AKAP13: variants seen among roughly 807,000 people sequenced by gnomAD.
The protein encoded by AKAP13 is A-kinase anchoring protein 13.
A neutral mutation model predicts 264.5 loss-of-function variants in AKAP13; 80 were observed. The observed-to-expected ratio is 0.30, with a 90% CI of 0.25 to 0.36. The LOEUF (loss-of-function observed/expected upper bound fraction) is 0.36, where lower values mean the gene tolerates loss of function less well. Among genes scored for constraint, AKAP13 ranks in the 10% least tolerant of loss-of-function variants. The probability of loss-of-function intolerance (pLI) is 1.00; values close to 1 mark genes in which losing one functional copy is unlikely to be tolerated. For missense variants in AKAP13, 3,712 were observed against 3,435.2 expected (o/e 1.08, Z -2.01); for synonymous variants, 1,380 against 1,250.2 (o/e 1.10, Z -2.19).
intron 1 of AKAP13, among the ~76,000 whole-genome samples, chr15:85,476,381 A>G (rs2075164235): frequency 1.3e-5 from 2 of 152,190 alleles, no homozygotes; most frequent in Non-Finnish European, 1.5e-5. Context: ...ATCACCTTTT[A>G]TTTAGAATTA....
chr15:85,582,982 G>A, intron 7 of AKAP13: 3 of 985,426 alleles, frequency 3.0e-6, no homozygotes, highest in Non-Finnish European at 3.6e-6. Context: ...ATTGCTCCGT[G>A]GAAATAAACT....
At chr15:85,643,844 G>A (rs148726450) in intron 9 of AKAP13, among the ~76,000 whole-genome samples, 13 of 152,218 alleles carry the variant, frequency 8.5e-5, no homozygotes, top group East Asian at 3.9e-4. Flanking sequence ...TTTGACTGTC[G>A]TGACCCCATT....
chr15:85,635,323 G>C (rs767863732), intron 8 of AKAP13, among the ~76,000 whole-genome samples: 3 of 151,650 alleles, frequency 2.0e-5, no homozygotes, highest in Non-Finnish European at 4.4e-5. Context: ...AATGATGTTG[G>C]GTATCTTTTT....
At chr15:85,594,244 T>TC (rs2079708762) in intron 8 of AKAP13, among the ~76,000 whole-genome samples, 1 of 152,220 alleles carries the variant, frequency 6.6e-6, no homozygotes, top group Non-Finnish European at 1.5e-5. Flanking sequence ...AGTACTCAGT[T>TC]CAACAAATGT....
intron 2 of AKAP13, among the ~76,000 whole-genome samples, chr15:85,503,143 T>C (rs750548115): frequency 2.0e-5 from 3 of 152,178 alleles, no homozygotes; most frequent in Non-Finnish European, 4.4e-5. Context: ...ATGGCAACCT[T>C]AATTTGTGTA....
At position 85,646,272 on chromosome 15, in the gene AKAP13, C is replaced by T. The variant is rs144079958; in HGVS notation, c.4374+318C>T. 3.5e-4 allele frequency among the ~76,000 whole-genome samples: 53 copies of T among 152,152 alleles called. No homozygotes were observed. The East Asian group carries it at 5.0e-3, about 14-fold the overall frequency. On this transcript the variant is annotated intron_variant, in intron 10 of 36. Transcript: ENST00000394518. ...GGCGGACCCCTTGAGGTCAGGAGTT[C>T]GAGACCAGCCTGGCCAACATGGTGA...
At position 85,481,943 on chromosome 15, in the gene AKAP13, A is replaced by G. The variant is rs193069168; in HGVS notation, c.-11-3767A>G. Among the ~76,000 whole-genome samples, 572 of 152,250 alleles carry G rather than the reference A, an allele frequency of 3.8e-3. 2 individuals are homozygous for G. Among genetic ancestry groups the G allele is most frequent in the Non-Finnish European group, 4.5e-3 (303 of 68,002 alleles). ...GGCATGATGTGTTTCTTTAATTTTCATTTTGGTAAAAAAATCTACTGACAA... is the reference window on the plus strand; with the variant it reads ...GGCATGATGTGTTTCTTTAATTTTCGTTTTGGTAAAAAAATCTACTGACAA... On this transcript the variant is annotated intron_variant, in intron 1 of 36. Transcript: ENST00000394518.
At chr15:85,670,923 G>T (rs1271822493) in intron 14 of AKAP13, 1 of 152,092 alleles carries the variant, frequency 6.6e-6, no homozygotes, top group Non-Finnish European at 1.5e-5. Context: ...AGTGTTGTTT[G>T]TCACAAAAAA....
chr15:85,656,265 T>C (rs1246815176), intron 11 of AKAP13, among the ~76,000 whole-genome samples: 1 of 152,216 alleles, frequency 6.6e-6, no homozygotes, highest in Non-Finnish European at 1.5e-5. Context: ...CAGAAAGTTT[T>C]GATAAAGTCT....
chr15:85,437,783 C>T (rs1447918584), intron 1 of AKAP13, among the ~76,000 whole-genome samples: 1 of 152,188 alleles, frequency 6.6e-6, no homozygotes, highest in Non-Finnish European at 1.5e-5. Context: ...ATGCTAAAAA[C>T]TCTCAATAAA....
In AKAP13 at chr15:85,456,440, G is replaced by A. The variant is rs1596238862; in HGVS notation, c.-11-29270G>A. Among the ~76,000 whole-genome samples the A allele has an allele frequency of 6.0e-5, 9 of 150,568 alleles. No homozygotes were observed. In the South Asian group the frequency reaches 1.9e-3, roughly 32 times the overall value. On this transcript the variant is annotated intron_variant, in intron 1 of 36. Transcript: ENST00000394518. ...GGACACCCACTGCTCTCACTTTTCTGTTTTCTTCTTTTTAAAAAATTTTAT... is the reference window on the plus strand; with the variant it reads ...GGACACCCACTGCTCTCACTTTTCTATTTTCTTCTTTTTAAAAAATTTTAT...
intron 8 of AKAP13, chr15:85,635,217 G>A (rs1347790975): frequency 7.6e-6 from 3 of 396,864 alleles, no homozygotes; most frequent in African/African-American, 2.1e-5. Context: ...CCACATCTTT[G>A]CCAACATTTG....
chr15:85,423,823 A>G (rs1015369750), intron 1 of AKAP13, among the ~76,000 whole-genome samples: 5 of 152,362 alleles, frequency 3.3e-5, no homozygotes, highest in South Asian at 4.1e-4. Flanking sequence ...TTGAAAGTCA[A>G]ACTTACTTCT....
chr15:85,491,878 G>T (rs1443028009), intron 2 of AKAP13, among the ~76,000 whole-genome samples: 1 of 152,124 alleles, frequency 6.6e-6, no homozygotes, highest in Non-Finnish European at 1.5e-5. Flanking sequence ...CATGCCTTAC[G>T]TTAATGCATG....
intron 8 of AKAP13, among the ~76,000 whole-genome samples, chr15:85,589,273 G>C: frequency 6.6e-6 from 1 of 152,142 alleles, no homozygotes; most frequent in East Asian, 1.9e-4. Context: ...TGCTTTGTGG[G>C]ACATATGGTC....
chr15:85,452,846 T>C (rs1346411847), intron 1 of AKAP13, among the ~76,000 whole-genome samples: 1 of 152,224 alleles, frequency 6.6e-6, no homozygotes, highest in African/African-American at 2.4e-5. Flanking sequence ...AGTACAGCTC[T>C]GGGGAGATCT....
Position 85,708,123 on chromosome 15 carries a change from A to G in AKAP13, c.5532+37A>G. The G allele has an allele frequency of 1.2e-6, 2 of 1,604,876 alleles. No homozygotes were observed. The highest frequency in any genetic ancestry group is 1.1e-5 in the South Asian group (1 of 90,458). On this transcript the variant is annotated intron_variant, in intron 18 of 36. Transcript: ENST00000394518. This position sits in a 1 kb window ranked among gnomAD's most constrained non-coding sequence, Gnocchi z 4.3. The stretch of plus-strand genomic sequence containing the variant: ...TGGCTAAAACAAGGCTTAAAATAAA[A>G]GGGTTTAAACCAGCAAAATCCTCGG...
At chr15:85,625,988 A>G (rs2081392979) in intron 8 of AKAP13, among the ~76,000 whole-genome samples, 1 of 152,246 alleles carries the variant, frequency 6.6e-6, no homozygotes, top group South Asian at 2.1e-4. Flanking sequence ...AGTAAGCACA[A>G]TATTCTTCAC....
chr15:85,411,507 G>A (rs1283340833), intron 1 of AKAP13, among the ~76,000 whole-genome samples: 3 of 151,858 alleles, frequency 2.0e-5, no homozygotes, highest in Admixed American at 6.6e-5. Flanking sequence ...GCACGATCTC[G>A]GCTCACTGCA....
Sources: gnomAD v4.1 joint callset for allele counts (sites outside exome capture counted in the v4.1 genomes callset) on GRCh38, gnomAD v4.1.1 for gene constraint, Gnocchi (gnomAD v3.1) non-coding constraint, MANE v1.5 for transcripts, NCBI Gene and HGNC (gene_info 2026-07-23, HGNC 2026-07-21) for gene names.